HDX: variants seen among roughly 807,000 people sequenced by gnomAD.
HDX encodes chromosome X open reading frame 43.
Under a neutral mutation model 45.2 loss-of-function variants are expected in HDX, and 19 were observed. That is an observed-to-expected ratio of 0.42 (90% confidence interval 0.29 to 0.62). The LOEUF is 0.62. Ranked by LOEUF, HDX falls within the 20% of genes least tolerant of loss-of-function variation. HDX has a pLI of 0.20. For synonymous variants in HDX, 188 were observed against 172.8 expected (o/e 1.09, Z -0.69); for missense variants, 532 against 493.9 (o/e 1.08, Z -0.73).
In HDX at chrX:84,334,705, C is replaced by G. The variant is rs931454166; in HGVS notation, c.1741-863G>C. 3.8e-5 allele frequency among the ~76,000 whole-genome samples: 4 copies of G among 105,517 alleles called. No homozygotes were observed. In the Admixed American group the frequency reaches 4.1e-4, roughly 11 times the overall value. 91.6% of individuals were successfully genotyped at this position (105,517 alleles called of 115,157 possible). On this transcript the variant is annotated intron_variant, in intron 8 of 10. Transcript: ENST00000373177. Reference sequence around the variant, plus strand: ...AAAAAAAAGGTATAAGTAAAATCAGCTCTAATTTTTCTTTCACATGTAAAA... The same window carrying G: ...AAAAAAAAGGTATAAGTAAAATCAGGTCTAATTTTTCTTTCACATGTAAAA...
rs72632479 is a variant in HDX at position 84,499,913 on chromosome X, C to T, written c.-110+2429G>A. 1.5e-4 allele frequency: 17 copies of T among 111,891 alleles called. No individual in the cohort carries two copies. The East Asian group carries it at 4.8e-3, about 31-fold the overall frequency. 9.2% of individuals were successfully genotyped at this position (111,891 alleles called of 1,213,427 possible). A position where few individuals can be genotyped will look rare whatever the true frequency, so the allele number is the denominator to read the frequency against. On this transcript the variant is annotated intron_variant, in intron 1 of 10. Coordinates refer to ENST00000373177, the MANE Select transcript of HDX (RefSeq NM_001177479.2). ...GATTCAAGAGATGTACACATGAAAACTATCAGGAATAATCAATATAAGATA... is the reference window on the plus strand; with the variant it reads ...GATTCAAGAGATGTACACATGAAAATTATCAGGAATAATCAATATAAGATA...
intron 3 of HDX, among the ~76,000 whole-genome samples, chrX:84,471,395 C>T (rs2040454199): frequency 9.4e-6 from 1 of 106,725 alleles, no homozygotes; most frequent in Non-Finnish European, 1.9e-5. Flanking sequence ...AATAAAGGAT[C>T]TATAATAGAT....
chrX:84,338,354 AG>A (rs1355173062), intron 7 of HDX, among the ~76,000 whole-genome samples: 34 of 110,464 alleles, frequency 3.1e-4, no homozygotes, highest in African/African-American at 1.1e-3. Context: ...GGTATATTTG[AG>A]ATATACAACA....
At chrX:84,456,722 T>C (rs1226467878) in intron 4 of HDX, among the ~76,000 whole-genome samples, 2 of 110,520 alleles carry the variant, frequency 1.8e-5, no homozygotes, top group Non-Finnish European at 3.8e-5. Flanking sequence ...AAAGCAAGAA[T>C]AGCCATACTT....
At chrX:84,437,530 A>ATAAC (rs1197431440) in intron 5 of HDX, among the ~76,000 whole-genome samples, 2 of 111,188 alleles carry the variant, frequency 1.8e-5, no homozygotes, top group Non-Finnish European at 3.8e-5. Flanking sequence ...TTCAACTTTC[A>ATAAC]TAACTTCTGT....
chrX:84,404,533 T>C (rs1458036628), intron 5 of HDX, among the ~76,000 whole-genome samples: 1 of 111,283 alleles, frequency 9.0e-6, no homozygotes, highest in Non-Finnish European at 1.9e-5. Context: ...TGTTTAAAGG[T>C]AAAGGTTCAG....
chrX:84,451,888 A>C (rs2040006219), intron 4 of HDX, among the ~76,000 whole-genome samples: 1 of 111,775 alleles, frequency 8.9e-6, no homozygotes, highest in African/African-American at 3.2e-5. Context: ...AAATCAATTA[A>C]CATGACACAT....
At chrX:84,350,183 T>C (rs1424376335) in intron 6 of HDX, among the ~76,000 whole-genome samples, 2 of 111,798 alleles carry the variant, frequency 1.8e-5, no homozygotes, top group Non-Finnish European at 3.8e-5. Context: ...TTTGATGCAA[T>C]AGTGGTCAGG....
chrX:84,346,093 C>A (rs1402423800), intron 6 of HDX, among the ~76,000 whole-genome samples: 1 of 110,848 alleles, frequency 9.0e-6, no homozygotes, highest in Non-Finnish European at 1.9e-5. Flanking sequence ...TTTTGCAGCA[C>A]AAACTTAACA....
At chrX:84,445,963 T>A (rs901002074) in intron 4 of HDX, among the ~76,000 whole-genome samples, 1 of 111,397 alleles carries the variant, frequency 9.0e-6, no homozygotes, top group African/African-American at 3.2e-5. Flanking sequence ...GAAATTAAAA[T>A]CAGGGAAACT....
At chrX:84,399,797 G>A (rs1026192209) in intron 5 of HDX, among the ~76,000 whole-genome samples, 2 of 111,478 alleles carry the variant, frequency 1.8e-5, no homozygotes, top group East Asian at 2.8e-4. Context: ...GATAATCACC[G>A]ATGTGAAAAT....
intron 5 of HDX, among the ~76,000 whole-genome samples, chrX:84,436,878 T>C (rs1223115450): frequency 9.0e-6 from 1 of 110,580 alleles, no homozygotes; most frequent in Non-Finnish European, 1.9e-5. Flanking sequence ...ATTGCGTGTT[T>C]TTGTTGTTGT....
intron 5 of HDX, among the ~76,000 whole-genome samples, chrX:84,367,542 A>C (rs1312156364): frequency 1.8e-5 from 2 of 112,533 alleles, no homozygotes; most frequent in Non-Finnish European, 3.7e-5. Context: ...CTGTAAAGAC[A>C]CATGCACACT....
chrX:84,390,557 G>A (rs1295185893), intron 5 of HDX, among the ~76,000 whole-genome samples: 3 of 111,482 alleles, frequency 2.7e-5, no homozygotes, highest in East Asian at 2.8e-4. Context: ...TAACACAAGC[G>A]GCTCATAGAA....
At chrX:84,352,439 G>T (rs1182376832) in intron 6 of HDX, among the ~76,000 whole-genome samples, 2 of 111,829 alleles carry the variant, frequency 1.8e-5, no homozygotes, top group African/African-American at 6.5e-5. Context: ...AGAAATACTA[G>T]TTTAAAAAGG....
chrX:84,404,508 C>A, intron 5 of HDX, among the ~76,000 whole-genome samples: 1 of 110,730 alleles, frequency 9.0e-6, no homozygotes, highest in Non-Finnish European at 1.9e-5. Context: ...AATACAGTAC[C>A]AATTCAATTC....
At chrX:84,367,964 C>T (rs1036271383) in intron 5 of HDX, among the ~76,000 whole-genome samples, 1 of 111,546 alleles carries the variant, frequency 9.0e-6, no homozygotes, top group African/African-American at 3.3e-5. Flanking sequence ...CAAATCTGCA[C>T]GTTCTGCACA....
intron 5 of HDX, among the ~76,000 whole-genome samples, chrX:84,397,643 C>T (rs1311893492): frequency 1.8e-5 from 2 of 111,656 alleles, no homozygotes; most frequent in Non-Finnish European, 3.8e-5. Context: ...TTTCCTGTCA[C>T]TTTTCTGTTG....
At chrX:84,373,621 T>C (rs2037957673) in intron 5 of HDX, among the ~76,000 whole-genome samples, 1 of 110,938 alleles carries the variant, frequency 9.0e-6, no homozygotes, top group Admixed American at 9.6e-5. Flanking sequence ...AATCAACAAA[T>C]GTAATCCAGC....
Sources: gnomAD v4.1 joint callset for allele counts (sites outside exome capture counted in the v4.1 genomes callset) on GRCh38, gnomAD v4.1.1 for gene constraint, MANE v1.5 for transcripts, NCBI Gene and HGNC (gene_info 2026-07-23, HGNC 2026-07-21) for gene names.